The following ASAH2 variants were observed in gnomAD, a reference collection of about 807,000 sequenced individuals.
The protein encoded by ASAH2 is N-acylsphingosine amidohydrolase 2, also known as neutral ceramidase.
A neutral mutation model predicts 82.9 loss-of-function variants in ASAH2; 58 were observed. The ratio of observed to expected loss-of-function variants is 0.70; its 90% CI spans 0.57 to 0.87. The LOEUF is 0.87. ASAH2 is among the 40% of genes least tolerant of loss of function. The pLI, the probability that ASAH2 is intolerant of heterozygous loss-of-function variation, is 0.00. For synonymous variants in ASAH2, 276 were observed against 289.7 expected, an observed-to-expected ratio of 0.95 and a Z score of 0.48; for missense variants, 779 against 834.0, an observed-to-expected ratio of 0.93 and a Z score of 0.81.
chr10:50,246,761 C>T (rs1197517765), intron 2 of ASAH2, among the ~76,000 whole-genome samples: 1 of 152,098 alleles, frequency 6.6e-6, no homozygotes, highest in Non-Finnish European at 1.5e-5. Flanking sequence ...CTTCTCATTC[C>T]CAAGCCGAGA....
chr10:50,222,184 A>G (rs1311030712), intron 7 of ASAH2, among the ~76,000 whole-genome samples: 1 of 152,168 alleles, frequency 6.6e-6, no homozygotes, highest in Non-Finnish European at 1.5e-5. Context: ...AATCAGATGC[A>G]TTTCCTACCA....
intron 7 of ASAH2, among the ~76,000 whole-genome samples, chr10:50,232,841 T>C (rs1846052873): frequency 1.3e-5 from 2 of 152,162 alleles, no homozygotes; most frequent in South Asian, 4.1e-4. Flanking sequence ...CTGTATACCA[T>C]CATGGAAGTT....
chr10:50,240,393 G>A, intron 4 of ASAH2: 2 of 699,640 alleles, frequency 2.9e-6, no homozygotes, highest in Admixed American at 4.0e-5. Context: ...CACCAATAAA[G>A]CCTCAGTATC....
intron 2 of ASAH2, among the ~76,000 whole-genome samples, chr10:50,246,981 T>A (rs2043617): frequency 0.29 from 44,383 of 151,996 alleles, 6,751 homozygotes; most frequent in Non-Finnish European, 0.31. Context: ...TTATAGGATT[T>A]TTGTGAGAAT....
chr10:50,228,095 G>A (rs1845936980), intron 7 of ASAH2, among the ~76,000 whole-genome samples: 1 of 152,142 alleles, frequency 6.6e-6, no homozygotes, highest in Non-Finnish European at 1.5e-5. Context: ...AGGTCAAGGT[G>A]GGAGGATCCC....
At chr10:50,224,562 T>C (rs1297086085) in intron 7 of ASAH2, among the ~76,000 whole-genome samples, 1 of 152,160 alleles carries the variant, frequency 6.6e-6, no homozygotes, top group Non-Finnish European at 1.5e-5. Flanking sequence ...GCCCATGTGC[T>C]CTTCTATTTC....
intron 7 of ASAH2, among the ~76,000 whole-genome samples, chr10:50,227,350 G>C (rs1288847125): frequency 0.92 from 140,656 of 152,200 alleles, 66,010 homozygotes; most frequent in East Asian, 1. Flanking sequence ...TTTTTGCAGT[G>C]ATGGAGATAA....
chr10:50,194,986 T>G (rs1239501332), intron 18 of ASAH2, among the ~76,000 whole-genome samples: 2 of 141,634 alleles, frequency 1.4e-5, no homozygotes, highest in East Asian at 2.0e-4. Context: ...GTAGGCGATG[T>G]TTTTTTTTTT....
intron 15 of ASAH2, 33 bp from the exon 16 acceptor site, chr10:50,202,957 CT>C (rs1845194747): frequency 4.6e-6 from 6 of 1,309,490 alleles, no homozygotes; most frequent in Non-Finnish European, 6.6e-6. Flanking sequence ...AATAAAATTA[CT>C]CTTCATCTTT....
chr10:50,240,320 T>A (rs1465227401), intron 4 of ASAH2, among the ~76,000 whole-genome samples: 1 of 152,198 alleles, frequency 6.6e-6, no homozygotes, highest in Non-Finnish European at 1.5e-5. Context: ...AAAACTCCCC[T>A]GGGTGAAATC....
chr10:50,243,078 TA>T, intron 4 of ASAH2, 123 bp downstream of exon 4: 1 of 1,111,084 alleles, frequency 9.0e-7, no homozygotes, highest in Non-Finnish European at 1.3e-6. Context: ...CCAGAGCGTA[TA>T]ATATTGAAGG....
chr10:50,232,414 C>A (rs1056841419), intron 7 of ASAH2, among the ~76,000 whole-genome samples: 1 of 152,030 alleles, frequency 6.6e-6, no homozygotes, highest in African/African-American at 2.4e-5. Context: ...AGAGTGAACC[C>A]AAGCCATTTG....
In ASAH2 at chr10:50,210,848, T is replaced by TG. The variant is rs1845435007; in HGVS notation, c.1388_1389insC (p.Val464SerfsTer30). 6.5e-5 allele frequency: 105 copies of TG among 1,613,218 alleles called. No homozygotes were observed. Among genetic ancestry groups the TG allele is most frequent in the Non-Finnish European group, 8.2e-5 (97 of 1,179,370 alleles). On this transcript the variant is annotated frameshift_variant, in exon 12 of 21. Coordinates refer to ENST00000682911, the MANE Select transcript of ASAH2 (RefSeq NM_019893.4). LOFTEE classifies it high-confidence loss of function. Reference sequence around the variant, plus strand: ...CCTGTGTAAAATTGAGGCCTCCAACTCCATCAATAGTGCCAGCTGCAAAAC... The same window carrying TG: ...CCTGTGTAAAATTGAGGCCTCCAACTGCCATCAATAGTGCCAGCTGCAAAAC...
Position 50,195,163 on chromosome 10 carries a change from C to A in ASAH2, c.2004+1610G>T, listed in dbSNP as rs1490773388. Among the ~76,000 whole-genome samples, 3 of 150,518 alleles carry A rather than the reference C, an allele frequency of 2.0e-5. No individual in the cohort carries two copies. In the South Asian group the frequency reaches 6.4e-4, roughly 32 times the overall value. ...ATGCATCCAATAAAGAGTTAATATC[C>A]AAAAGATATAAGGTACTCAAACAAC... On this transcript the variant is annotated intron_variant, in intron 18 of 20. Transcript: ENST00000682911.
At chr10:50,228,086 G>A (rs1326473422) in intron 7 of ASAH2, among the ~76,000 whole-genome samples, 1 of 152,182 alleles carries the variant, frequency 6.6e-6, no homozygotes, top group African/African-American at 2.4e-5. Flanking sequence ...CACTCTGAAA[G>A]GTCAAGGTGG....
intron 7 of ASAH2, among the ~76,000 whole-genome samples, chr10:50,224,376 A>AAT (rs1315041975): frequency 2.0e-4 from 30 of 151,666 alleles, no homozygotes; most frequent in East Asian, 5.8e-4. Context: ...AGCATAAATA[A>AAT]ATATATATAT....
chr10:50,212,867 G>C, intron 10 of ASAH2, 105 bp downstream of exon 10: 1 of 1,146,186 alleles, frequency 8.7e-7, no homozygotes, highest in East Asian at 2.3e-5. Flanking sequence ...CACAACCTGA[G>C]CATTTGCTGT....
intron 14 of ASAH2, 151 bp downstream of exon 14, chr10:50,204,710 A>G: frequency 1.6e-6 from 1 of 637,956 alleles, no homozygotes; most frequent in Non-Finnish European, 2.8e-6. Flanking sequence ...AGGCCCCAGC[A>G]AAAGAGGGTA....
rs1265212648 is a variant in ASAH2, at chr10:50,203,528, G to A, written c.1665+112C>T. 16 of 947,742 alleles carry A rather than the reference G, an allele frequency of 1.7e-5. No homozygotes were observed. The East Asian group carries it at 3.4e-4, about 20-fold the overall frequency. 58.7% of individuals were successfully genotyped at this position (947,742 alleles called of 1,614,324 possible). ...CTACCAATATTTCATATTAACCTTA[G>A]CCATTAATTTCAAGAAATGTGGAAC... is the stretch of plus-strand genomic sequence containing the variant. On this transcript the variant is annotated intron_variant, in intron 15 of 20. Transcript: ENST00000682911.
Sources: gnomAD v4.1 joint callset for allele counts (sites outside exome capture counted in the v4.1 genomes callset) on GRCh38, gnomAD v4.1.1 for gene constraint, MANE v1.5 for transcripts, NCBI Gene and HGNC (gene_info 2026-07-23, HGNC 2026-07-21) for gene names.